The following PTPRG variants were observed in gnomAD, a reference collection of about 807,000 sequenced individuals.
PTPRG encodes the protein receptor-type tyrosine-protein phosphatase gamma.
A neutral mutation model predicts 165.3 loss-of-function variants in PTPRG; 102 were observed. That is an observed-to-expected ratio of 0.62 (90% CI 0.53 to 0.73). The LOEUF is 0.73. PTPRG is among the 30% of genes least tolerant of loss of function. PTPRG has a pLI of 0.00. For missense variants in PTPRG, 1,866 were observed against 1,861.4 expected (o/e 1.00, Z -0.05); for synonymous variants, 675 against 669.5 (o/e 1.01, Z -0.13).
At chr3:61,872,477 G>A (rs1204322481) in intron 2 of PTPRG, among the ~76,000 whole-genome samples, 1 of 152,138 alleles carries the variant, frequency 6.6e-6, no homozygotes, top group Non-Finnish European at 1.5e-5. Context: ...ATTTTGTCTG[G>A]CCGAACTCCA....
chr3:62,124,380 T>A lies in PTPRG; in HGVS notation c.616-8222T>A, dbSNP rs1042425151. On this transcript the variant is annotated intron_variant, in intron 5 of 29. Coordinates refer to ENST00000474889, the MANE Select transcript of PTPRG (RefSeq NM_002841.4). ...ATAGTGGGATGCAAGTCCAGGGTGA[T>A]CTGCAGGTCCAAGATGTAGTCGATG... is the stretch of plus-strand genomic sequence containing the variant. 4 of 1,613,042 alleles carry A rather than the reference T, an allele frequency of 2.5e-6. No homozygotes were observed. In the Admixed American group the frequency reaches 6.7e-5, roughly 27 times the overall value.
At chr3:61,986,597 A>T (rs1015907740) in intron 2 of PTPRG, among the ~76,000 whole-genome samples, 4 of 152,208 alleles carry the variant, frequency 2.6e-5, no homozygotes, top group Non-Finnish European at 4.4e-5. Flanking sequence ...TAAGACTTTC[A>T]TCAGGTGAAC....
chr3:62,007,500 G>C (rs150175879), intron 4 of PTPRG, among the ~76,000 whole-genome samples: 1 of 152,320 alleles, frequency 6.6e-6, no homozygotes, highest in African/African-American at 2.4e-5. Flanking sequence ...ACTCAATTTG[G>C]ATCCTCAGAT....
chr3:62,153,502 T>G (rs1009624180), intron 6 of PTPRG, among the ~76,000 whole-genome samples: 1 of 152,180 alleles, frequency 6.6e-6, no homozygotes, highest in African/African-American at 2.4e-5. Flanking sequence ...CTGCTCATGC[T>G]GATGGACAAT....
At chr3:62,105,181 A>G (rs971283717) in intron 5 of PTPRG, among the ~76,000 whole-genome samples, 5 of 152,200 alleles carry the variant, frequency 3.3e-5, no homozygotes, top group African/African-American at 9.6e-5. Flanking sequence ...TTGTTCATAG[A>G]TATTTATGCA....
chr3:62,011,549 G>A (rs2041423261), intron 4 of PTPRG, among the ~76,000 whole-genome samples: 1 of 151,596 alleles, frequency 6.6e-6, no homozygotes, highest in African/African-American at 2.4e-5. Context: ...AATGGGAAAG[G>A]AATTGGTTGA....
rs557243502 is a variant in PTPRG, at chr3:61,890,289, C to A, written c.191-99336C>A. On this transcript the variant is annotated intron_variant, in intron 2 of 29. Coordinates refer to ENST00000474889, the MANE Select transcript of PTPRG (RefSeq NM_002841.4). Reference sequence around the variant, plus strand: ...TTAGTGAAGGATGTTGTCATTCATTCTTTGGTTCTCCTTTTCTGTGAATGT... The same window carrying A: ...TTAGTGAAGGATGTTGTCATTCATTATTTGGTTCTCCTTTTCTGTGAATGT... Among the ~76,000 whole-genome samples the A allele has an allele frequency of 2.0e-5, 3 of 152,106 alleles. No homozygotes were observed. In the South Asian group the frequency reaches 6.2e-4, roughly 32 times the overall value.
intron 6 of PTPRG, among the ~76,000 whole-genome samples, chr3:62,142,006 G>A (rs896041968): frequency 3.3e-5 from 5 of 151,114 alleles, no homozygotes; most frequent in Non-Finnish European, 4.4e-5. Context: ...GGATAAAGAC[G>A]TAGTGGTGCA....
Position 62,039,753 on chromosome 3 carries a change from G to A in PTPRG, c.519+36256G>A, listed in dbSNP as rs946519395. Among the ~76,000 whole-genome samples the A allele has an allele frequency of 3.1e-4, 47 of 152,172 alleles. 1 individual carries two copies. The highest frequency in any genetic ancestry group is 2.7e-3 in the Admixed American group (42 of 15,278). ...CCTGCAGCTGGTGAGCCTTAAATACGCTTTATAAAGATTCCTGTCCGTTGC... is the reference window on the plus strand; with the variant it reads ...CCTGCAGCTGGTGAGCCTTAAATACACTTTATAAAGATTCCTGTCCGTTGC... On this transcript the variant is annotated intron_variant, in intron 4 of 29. Transcript: ENST00000474889.
At chr3:62,176,246 A>G (rs73098536) in intron 8 of PTPRG, among the ~76,000 whole-genome samples, 11,422 of 151,174 alleles carry the variant, frequency 0.076, 708 homozygotes, top group East Asian at 0.35. Context: ...ATTTACTAAC[A>G]GTTTGGATGG....
At chr3:61,764,330 T>C (rs1022517263) in intron 2 of PTPRG, among the ~76,000 whole-genome samples, 2 of 152,150 alleles carry the variant, frequency 1.3e-5, no homozygotes, top group African/African-American at 4.8e-5. Context: ...CAGTCTTCAT[T>C]CATTGAGTCA....
At chr3:61,842,690 A>T (rs992125441) in intron 2 of PTPRG, among the ~76,000 whole-genome samples, 1 of 100,676 alleles carries the variant, frequency 9.9e-6, no homozygotes, top group African/African-American at 2.7e-5. Context: ...GTGGCAAAAA[A>T]AAAAAAAAAA....
Position 61,589,321 on chromosome 3 carries a change from A to G in PTPRG, c.85+26949A>G, listed in dbSNP as rs532411533. ...AAAGGCTGCCAACTCTTACTCTAATACCATCTCATTAAGGAAACTATCACT... is the reference window on the plus strand; with the variant it reads ...AAAGGCTGCCAACTCTTACTCTAATGCCATCTCATTAAGGAAACTATCACT... On this transcript the variant is annotated intron_variant, in intron 1 of 29. Transcript: ENST00000474889. 3.4e-4 allele frequency among the ~76,000 whole-genome samples: 52 copies of G among 152,252 alleles called. No homozygotes were observed. The South Asian group carries it at 8.9e-3, about 26-fold the overall frequency.
intron 1 of PTPRG, among the ~76,000 whole-genome samples, chr3:61,588,021 T>A (rs770660340): frequency 6.6e-6 from 1 of 152,020 alleles, no homozygotes; most frequent in African/African-American, 2.4e-5. Flanking sequence ...CCGTGTTACA[T>A]TGGGTTGTCT....
chr3:61,665,259 G>A (rs1223909944), intron 1 of PTPRG, among the ~76,000 whole-genome samples: 2 of 152,260 alleles, frequency 1.3e-5, no homozygotes, highest in East Asian at 3.9e-4. Context: ...GCCTTCTGCA[G>A]TACTCGCCTA....
intron 8 of PTPRG, among the ~76,000 whole-genome samples, chr3:62,179,487 C>T (rs1361119946): frequency 2.6e-5 from 4 of 152,232 alleles, no homozygotes; most frequent in Admixed American, 2.0e-4. Context: ...TCTTTGCTTC[C>T]GGGCTGGCAC....
At chr3:62,212,640 A>T (rs778431995) in intron 12 of PTPRG, among the ~76,000 whole-genome samples, 75 of 152,136 alleles carry the variant, frequency 4.9e-4, no homozygotes, top group Admixed American at 2.1e-3. Flanking sequence ...GGGAGTGAGG[A>T]AAGCTGGTCT....
At chr3:61,579,335 C>G (rs1418519206) in intron 1 of PTPRG, among the ~76,000 whole-genome samples, 1 of 152,190 alleles carries the variant, frequency 6.6e-6, no homozygotes. Flanking sequence ...GTATTTTCCA[C>G]TGAAAGCCCC....
At chr3:62,121,171 T>C (rs2106890468) in intron 5 of PTPRG, among the ~76,000 whole-genome samples, 1 of 151,674 alleles carries the variant, frequency 6.6e-6, no homozygotes, top group South Asian at 2.1e-4. Flanking sequence ...GCCAGGATGA[T>C]CTCGATCTCC....
Sources: gnomAD v4.1 joint callset for allele counts (sites outside exome capture counted in the v4.1 genomes callset) on GRCh38, gnomAD v4.1.1 for gene constraint, MANE v1.5 for transcripts, NCBI Gene and HGNC (gene_info 2026-07-23, HGNC 2026-07-21) for gene names.